Variants in ADD1 observed in about 807,000 individuals in gnomAD.
ADD1 encodes the protein alpha-adducin.
In ADD1, 24 loss-of-function variants were observed where a neutral mutation model predicts 80.5. That is an observed-to-expected ratio of 0.30 (90% CI 0.22 to 0.42). The LOEUF is 0.42. Ranked by LOEUF, ADD1 falls within the 10% of genes least tolerant of loss-of-function variation. The pLI is 1.00. For synonymous variants in ADD1, 373 were observed against 393.8 expected (o/e 0.95, Z 0.63); for missense variants, 948 against 1,019.0 (o/e 0.93, Z 0.95).
rs775339952 is a variant in ADD1, at chr4:2,914,058, C to CAAA, written c.1792-813_1792-811dup. Among the ~76,000 whole-genome samples, 125 of 120,568 alleles carry CAAA rather than the reference C, an allele frequency of 1.0e-3. 3 individuals are homozygous for CAAA. Among genetic ancestry groups the CAAA allele is most frequent in the East Asian group, 3.1e-3 (13 of 4,178 alleles). The allele number at this position is 120,568 out of a possible 152,430, so 79.1% of individuals were successfully genotyped here. A position where few individuals can be genotyped will look rare whatever the true frequency, so the allele number is the denominator to read the frequency against. On this transcript the variant is annotated intron_variant, in intron 13 of 15. Coordinates refer to ENST00000683351, the MANE Select transcript of ADD1 (RefSeq NM_001354761.2). ...TGGGTGACAGTGCGAGACTCCGTCT[C>CAAA]AAAAAAAAAAAAAAAGAAGTGAGCT...
At chr4:2,886,762 C>A (rs1260521167) in intron 4 of ADD1, among the ~76,000 whole-genome samples, 1 of 152,136 alleles carries the variant, frequency 6.6e-6, no homozygotes, top group South Asian at 2.1e-4. Context: ...ATTGGTGGGT[C>A]CAGTTAGCCT....
chr4:2,884,410 C>T, intron 3 of ADD1, 105 bp from the exon 4 acceptor site: 1 of 915,500 alleles, frequency 1.1e-6, no homozygotes, highest in Non-Finnish European at 1.6e-6. Context: ...ACTACAGCCT[C>T]AAACTCATGG....
chr4:2,851,186 C>T (rs1378286630), intron 1 of ADD1, among the ~76,000 whole-genome samples: 1 of 152,142 alleles, frequency 6.6e-6, no homozygotes, highest in Non-Finnish European at 1.5e-5. Flanking sequence ...ATAGCTAGGA[C>T]TACTGGTGCA....
At chr4:2,869,249 C>G (rs1026943660) in intron 1 of ADD1, among the ~76,000 whole-genome samples, 1 of 152,106 alleles carries the variant, frequency 6.6e-6, no homozygotes, top group Non-Finnish European at 1.5e-5. Flanking sequence ...AGTCTAAGAT[C>G]AGGGTGTGGG....
intron 1 of ADD1, among the ~76,000 whole-genome samples, chr4:2,845,945 T>C (rs1483279604): frequency 1.3e-5 from 2 of 152,192 alleles, no homozygotes; most frequent in Non-Finnish European, 2.9e-5. Context: ...GAGAATAGTA[T>C]AAACCCCTTT....
At chr4:2,928,061 C>A in intron 15 of ADD1, 110 bp from the exon 16 acceptor site, 1 of 948,300 alleles carries the variant, frequency 1.1e-6, no homozygotes, top group East Asian at 2.4e-5. Context: ...TGGTAAAAAT[C>A]TGTAGAGTAA....
chr4:2,879,059 G>C (rs115912835), intron 2 of ADD1, among the ~76,000 whole-genome samples: 208 of 152,286 alleles, frequency 1.4e-3, no homozygotes, highest in African/African-American at 4.9e-3. Flanking sequence ...TGGGTTGGAT[G>C]ACAGGGTCTT....
intron 1 of ADD1, among the ~76,000 whole-genome samples, chr4:2,848,400 T>TA (rs1298880319): frequency 7.9e-5 from 12 of 152,168 alleles, no homozygotes; most frequent in Non-Finnish European, 1.8e-4. Context: ...TTTAAACAGT[T>TA]GTTATAACTA....
intron 1 of ADD1, among the ~76,000 whole-genome samples, chr4:2,864,910 C>T (rs1009400973): frequency 6.6e-6 from 1 of 152,042 alleles, no homozygotes; most frequent in African/African-American, 2.4e-5. Flanking sequence ...TTTTATTTTT[C>T]AAATTTTATT....
At chr4:2,861,990 C>T (rs756403870) in intron 1 of ADD1, among the ~76,000 whole-genome samples, 9 of 152,210 alleles carry the variant, frequency 5.9e-5, no homozygotes, top group Non-Finnish European at 8.8e-5. Flanking sequence ...CGAGACAATT[C>T]TTCTTCCAGT....
chr4:2,899,475 C>A, intron 9 of ADD1, 40 bp downstream of exon 9: 1 of 1,610,410 alleles, frequency 6.2e-7, no homozygotes, highest in South Asian at 1.1e-5. Flanking sequence ...ACCTTTTGTT[C>A]TAAAAGCATC....
intron 1 of ADD1, among the ~76,000 whole-genome samples, chr4:2,847,424 G>T (rs1369356083): frequency 1.3e-5 from 2 of 148,798 alleles, no homozygotes; most frequent in Admixed American, 1.3e-4. Flanking sequence ...AAAAAAGGAA[G>T]TAAGACTAGG....
chr4:2,856,352 GTCTTTTTTTCT>G (rs1204194329), intron 1 of ADD1, among the ~76,000 whole-genome samples: 1 of 152,082 alleles, frequency 6.6e-6, no homozygotes, highest in Admixed American at 6.5e-5. Context: ...TAGGTGATCT[GTCTTTTTTTCT>G]TCTGGCTTCT....
chr4:2,921,553 C>G (rs925204476), intron 14 of ADD1, among the ~76,000 whole-genome samples: 3 of 152,202 alleles, frequency 2.0e-5, no homozygotes. Flanking sequence ...ACCTTTCTCT[C>G]TGGCTGCCCT....
At chr4:2,889,964 C>G (rs1219105869) in intron 4 of ADD1, among the ~76,000 whole-genome samples, 1 of 152,060 alleles carries the variant, frequency 6.6e-6, no homozygotes, top group Non-Finnish European at 1.5e-5. Flanking sequence ...TTTGGGAGAC[C>G]AAGGTGGGCA....
At chr4:2,914,243 G>C (rs889768354) in intron 13 of ADD1, among the ~76,000 whole-genome samples, 1 of 152,196 alleles carries the variant, frequency 6.6e-6, no homozygotes, top group African/African-American at 2.4e-5. Flanking sequence ...TTTAAGATTG[G>C]TGTGGTCTGT....
chr4:2,869,016 G>C (rs751091467), intron 1 of ADD1, among the ~76,000 whole-genome samples: 44 of 152,210 alleles, frequency 2.9e-4, no homozygotes, highest in Non-Finnish European at 5.3e-4. Context: ...TCACTCTGCT[G>C]TGTTTTCTGT....
At chr4:2,897,406 GTA>G (rs953661461) in intron 6 of ADD1, among the ~76,000 whole-genome samples, 7 of 148,218 alleles carry the variant, frequency 4.7e-5, no homozygotes, top group Non-Finnish European at 7.4e-5. Flanking sequence ...TATATAAATT[GTA>G]TATATATAAT....
chr4:2,871,440 C>T (rs1038064145), intron 1 of ADD1, among the ~76,000 whole-genome samples: 1 of 152,116 alleles, frequency 6.6e-6, no homozygotes, highest in African/African-American at 2.4e-5. Context: ...TATTTGGAAA[C>T]ATTAAATAAA....
Sources: allele counts gnomAD v4.1 joint callset (sites outside exome capture counted in the v4.1 genomes callset), GRCh38; gene constraint gnomAD v4.1.1; transcripts MANE v1.5; gene names NCBI Gene and HGNC (gene_info 2026-07-23, HGNC 2026-07-21).